MUC17: variants seen among roughly 807,000 people sequenced by gnomAD.
MUC17 encodes the protein mucin 17, cell surface associated.
In MUC17, 190 loss-of-function variants were observed where a neutral mutation model predicts 170.3. That is an observed-to-expected ratio of 1.12 (90% CI 0.99 to 1.26). The LOEUF (loss-of-function observed/expected upper bound fraction) is 1.26, where lower values mean the gene tolerates loss of function less well. Among genes scored for constraint, MUC17 ranks in the 50% most tolerant of loss-of-function variants. The probability of loss-of-function intolerance (pLI) is 0.00; values close to 1 mark genes in which losing one functional copy is unlikely to be tolerated. For missense variants in MUC17, 6,415 were observed against 5,530.0 expected, an observed-to-expected ratio of 1.16 and a Z score of -5.08; for synonymous variants, 2,325 against 2,002.5, an observed-to-expected ratio of 1.16 and a Z score of -4.30.
In MUC17 at chr7:101,040,294, A is replaced by G; in HGVS notation, c.8878A>G (p.Thr2960Ala). 1 of 1,611,264 alleles carries G rather than the reference A, an allele frequency of 6.2e-7. No individual in the cohort carries two copies. The highest frequency in any genetic ancestry group is 8.5e-7 in the Non-Finnish European group (1 of 1,178,822). ...TCCTGTTGACACCAGGACACCTGTC[A>G]CCACTTCTGCTGAAGCTAGTTCTTC... ...TTPVDTRTPV[T>A]TSAEASSSPT... Residue 2960 changes from threonine to alanine, a missense_variant, in exon 3 of 13, where the codon ACC becomes GCC. By Grantham distance (58) the Thr-to-Ala change is moderately conservative. Coordinates refer to ENST00000306151, the MANE Select transcript of MUC17 (RefSeq NM_001040105.2).
At chr7:101,056,385 C>T in intron 12 of MUC17, 115 bp downstream of exon 12, 1 of 1,473,022 alleles carries the variant, frequency 6.8e-7, no homozygotes, top group African/African-American at 1.4e-5. Flanking sequence ...GTTTATTGGT[C>T]CAGGTGATCC....
Position 101,035,161 on chromosome 7 carries a change from C to T in MUC17, c.3745C>T (p.Pro1249Ser), listed in dbSNP as rs4729653. ...LSTSPVDTST[P>S]VTTSAETSSS... is the part of the protein sequence containing the mutation. ...AACATCTCCCGTTGACACCAGCACACCTGTGACCACTTCTGCTGAAACCAG... is the reference window on the plus strand; with the variant it reads ...AACATCTCCCGTTGACACCAGCACATCTGTGACCACTTCTGCTGAAACCAG... The change falls in exon 3 of 13, where the codon CCT becomes TCT. Residue 1249 changes from proline to serine, a missense_variant. Physicochemically the swap from Pro to Ser is moderately conservative, Grantham distance 74. Transcript: ENST00000306151. 8.2e-6 allele frequency: 13 copies of T among 1,594,452 alleles called. No individual in the cohort carries two copies. The highest frequency in any genetic ancestry group is 1.3e-5 in the African/African-American group (1 of 74,100).
At position 101,031,176 on chromosome 7, in the gene MUC17, G is replaced by T; in HGVS notation, c.139G>T (p.Val47Phe). ...AGGAGGGTGCATCTCCCAAGGGGAC[G>T]TCTTGAACCGTCAGTGCCAGCAGCT... ...DGGGCISQGD[V>F]LNRQCQQLSQ... The change falls in exon 2 of 13, where the codon GTC (valine) becomes TTC (phenylalanine). Residue 47 changes from valine to phenylalanine, a missense_variant. Coordinates refer to ENST00000306151, the MANE Select transcript of MUC17 (RefSeq NM_001040105.2). 1 of 1,613,836 alleles carries T rather than the reference G, an allele frequency of 6.2e-7. No homozygotes were observed. Among genetic ancestry groups the T allele is most frequent in the Non-Finnish European group, 8.5e-7 (1 of 1,179,882 alleles).
At position 101,042,211 on chromosome 7, in the gene MUC17, C is replaced by T. The variant is rs769115048; in HGVS notation, c.10795C>T (p.Pro3599Ser). 1 of 1,614,078 alleles carries T rather than the reference C, an allele frequency of 6.2e-7. No individual in the cohort carries two copies. The highest frequency in any genetic ancestry group is 8.5e-7 in the Non-Finnish European group (1 of 1,180,006). Residue 3599 changes from proline (P) to serine (S), a missense_variant, in exon 3 of 13, where the codon CCT becomes TCT. Coordinates refer to ENST00000306151, the MANE Select transcript of MUC17 (RefSeq NM_001040105.2). The stretch of plus-strand genomic sequence containing the variant: ...TTCTGAGGCTAGCACACCTTCCACT[C>T]CTTCTGTTGACAGAAGCACACCTGT... ...TSSEASTPST[P>S]SVDRSTPVTT...
In MUC17 at chr7:101,043,096, A is replaced by G; in HGVS notation, c.11680A>G (p.Ile3894Val). 4.3e-6 allele frequency: 7 copies of G among 1,614,192 alleles called. No individual in the cohort carries two copies. The highest frequency in any genetic ancestry group is 5.9e-6 in the Non-Finnish European group (7 of 1,180,034). The change falls in exon 3 of 13, where the codon ATA (isoleucine) becomes GTA (valine). Residue 3894 changes from isoleucine to valine, a missense_variant. Transcript: ENST00000306151. ...TCCAACTAGCTTTCCTGGGGCCAGC[A>G]TAGCTTCGACACCTCCTCTTGACAC... ...TLPTSFPGASIASTPPLDTST... is the reference protein window; with the variant it reads ...TLPTSFPGASVASTPPLDTST...
intron 1 of MUC17, among the ~76,000 whole-genome samples, chr7:101,022,163 ATTTTTTTT>A (rs1247384498): frequency 8.9e-6 from 1 of 112,980 alleles, no homozygotes; most frequent in Non-Finnish European, 1.8e-5. Context: ...CTCCCGAGAG[ATTTTTTTT>A]TTTTTTTTTT....
chr7:101,021,288 C>T (rs182729429), intron 1 of MUC17, among the ~76,000 whole-genome samples: 3 of 150,088 alleles, frequency 2.0e-5, no homozygotes, highest in South Asian at 2.1e-4. Context: ...CGGGTTCAAG[C>T]GATTCTCCCG....
rs1175965635 is a variant in MUC17 at position 101,037,274 on chromosome 7, C to T, written c.5858C>T (p.Thr1953Ile). ...ACCCTTTCAACAACTCTTGCTGACA[C>T]CAGGACACCTGTGACCACTTATTCT... ...INTLSTTLADTRTPVTTYSQA... is the reference protein window; with the variant it reads ...INTLSTTLADIRTPVTTYSQA... The change falls in exon 3 of 13, where the codon ACC becomes ATC. Residue 1953 changes from threonine to isoleucine, a missense_variant. Transcript: ENST00000306151. 4 of 1,611,992 alleles carry T rather than the reference C, an allele frequency of 2.5e-6. No individual in the cohort carries two copies. The highest frequency in any genetic ancestry group is 1.7e-5 in the Admixed American group (1 of 59,940).
intron 5 of MUC17, 48 bp from the exon 6 acceptor site, chr7:101,049,276 C>A (rs79623401): frequency 6.2e-7 from 1 of 1,612,906 alleles, no homozygotes. Context: ...TCCCACAGAA[C>A]GGCCCCGTGG....
rs774257815 is a variant in MUC17 at position 101,039,785 on chromosome 7, C to A, written c.8369C>A (p.Ser2790Tyr). The change falls in exon 3 of 13, where the codon TCC becomes TAC. Residue 2790 changes from serine (S) to tyrosine (Y), a missense_variant. Physicochemically the swap from Ser to Tyr is moderately radical, Grantham distance 144. Transcript: ENST00000306151. Reference protein sequence around the residue: ...IPVTTSTEASSSPTTAEVTSM... With the variant: ...IPVTTSTEASYSPTTAEVTSM... ...GTCACCACTTCTACTGAAGCCAGTTCCTCTCCTACAACTGCTGAAGTTACC... is the reference window on the plus strand; with the variant it reads ...GTCACCACTTCTACTGAAGCCAGTTACTCTCCTACAACTGCTGAAGTTACC... The A allele has an allele frequency of 7.5e-6, 12 of 1,609,000 alleles. No individual in the cohort carries two copies. In the African/African-American group the frequency reaches 1.5e-4, roughly 20 times the overall value.
chr7:101,042,973 G>A lies in MUC17; in HGVS notation c.11557G>A (p.Gly3853Ser), dbSNP rs146665354. ...ACCTTTGCTCACCTCTACCAAAGCC[G>A]GTTCATTCTCCATACCTGCTGAAGT... is the stretch of plus-strand genomic sequence containing the variant. ...STPLLTSTKA[G>S]SFSIPAEVTT... The change falls in exon 3 of 13, where the codon GGT (glycine) becomes AGT (serine). Residue 3853 changes from glycine to serine, a missense_variant. Transcript: ENST00000306151. 11 of 1,613,988 alleles carry A rather than the reference G, an allele frequency of 6.8e-6. No homozygotes were observed. The highest frequency in any genetic ancestry group is 4.5e-5 in the East Asian group (2 of 44,864).
intron 6 of MUC17, 54 bp downstream of exon 6, chr7:101,049,436 A>G: frequency 6.3e-7 from 1 of 1,579,164 alleles, no homozygotes; most frequent in Non-Finnish European, 8.6e-7. Flanking sequence ...CAGTGGTCAT[A>G]GTTATAAAGG....
At chr7:101,028,613 C>T (rs554406114) in intron 1 of MUC17, among the ~76,000 whole-genome samples, 7 of 151,930 alleles carry the variant, frequency 4.6e-5, no homozygotes, top group East Asian at 1.9e-4. Flanking sequence ...TGCGGTGGCT[C>T]ATACCTGTAA....
At chr7:101,020,739 A>G (rs1290418640) in intron 1 of MUC17, among the ~76,000 whole-genome samples, 1 of 151,942 alleles carries the variant, frequency 6.6e-6, no homozygotes, top group Non-Finnish European at 1.5e-5. Flanking sequence ...CCTGCCATGA[A>G]CCAGCTGTGC....
rs772424309 is a variant in MUC17, at chr7:101,041,797, T to C, written c.10381T>C (p.Ser3461Pro). 1.2e-6 allele frequency: 2 copies of C among 1,605,332 alleles called. No homozygotes were observed. The highest frequency in any genetic ancestry group is 3.4e-5 in the Admixed American group (2 of 59,224). The change falls in exon 3 of 13, where the codon TCA (serine) becomes CCA (proline). Residue 3461 changes from serine (S) to proline (P), a missense_variant. Ser to Pro is a moderately conservative substitution (Grantham distance 74). Coordinates refer to ENST00000306151, the MANE Select transcript of MUC17 (RefSeq NM_001040105.2). Reference sequence around the variant, plus strand: ...TACTAGTGAAGGAAGCACTCCATTATCAATTATGCCTCTCAGTACCACGCC... The same window carrying C: ...TACTAGTGAAGGAAGCACTCCATTACCAATTATGCCTCTCAGTACCACGCC... The part of the protein sequence containing the change: ...STTSEGSTPL[S>P]IMPLSTTPVA...
In MUC17 at chr7:101,040,131, A is replaced by G. The variant is rs1236368078; in HGVS notation, c.8715A>G (p.Glu2905=). 1.2e-6 allele frequency: 2 copies of G among 1,612,502 alleles called. No homozygotes were observed. The highest frequency in any genetic ancestry group is 2.2e-5 in the East Asian group (1 of 44,830). Residue 2905 remains glutamate, a synonymous_variant, in exon 3 of 13, where the codon GAA becomes GAG. Transcript: ENST00000306151. ...DTSIPVTTST[E]GSSSPTTAEG... ...GCATACCTGTCACCACTTCTACTGA[A>G]GGCAGTTCTTCTCCTACAACTGCTG...
intron 11 of MUC17, among the ~76,000 whole-genome samples, chr7:101,054,034 T>C (rs1054223437): frequency 2.7e-5 from 3 of 112,502 alleles, no homozygotes; most frequent in African/African-American, 1.0e-4. Context: ...CACTCCAGCC[T>C]GGGCAACAGA....
rs200327824 is a variant in MUC17, at chr7:101,020,086, C to T, written c.-50C>T. 485 of 1,511,396 alleles carry T rather than the reference C, an allele frequency of 3.2e-4. 3 individuals carry two copies. In the African/African-American group the frequency reaches 4.9e-3, roughly 15 times the overall value. The allele number at this position is 1,511,396 out of a possible 1,614,324, so 93.6% of individuals were successfully genotyped here. ...CAGTTTCCTTCTCTGAGGCTCATTT[C>T]GCCAGCTCCTCTGGGGGTGACAGGC... On this transcript the variant is annotated 5_prime_UTR_variant, in exon 1 of 13. Coordinates refer to ENST00000306151, the MANE Select transcript of MUC17 (RefSeq NM_001040105.2).
chr7:101,030,839 G>A (rs1231187624), intron 1 of MUC17, among the ~76,000 whole-genome samples: 5 of 152,124 alleles, frequency 3.3e-5, no homozygotes, highest in Admixed American at 3.3e-4. Context: ...GGGCTCAAGC[G>A]ATCCTCTCCC....
Sources: allele counts gnomAD v4.1 joint callset (sites outside exome capture counted in the v4.1 genomes callset), GRCh38; gene constraint gnomAD v4.1.1; transcripts MANE v1.5; gene names NCBI Gene and HGNC (gene_info 2026-07-23, HGNC 2026-07-21).